MACROD2: variants seen among roughly 807,000 people sequenced by gnomAD.
MACROD2 encodes mono-ADP ribosylhydrolase 2.
A neutral mutation model predicts 70.4 loss-of-function variants in MACROD2; 36 were observed. The observed-to-expected ratio is 0.51, with a 90% confidence interval of 0.39 to 0.68. The LOEUF is 0.68. Among genes scored for constraint, MACROD2 ranks in the 30% least tolerant of loss-of-function variants. The pLI, the probability that MACROD2 is intolerant of heterozygous loss-of-function variation, is 0.00. For synonymous variants in MACROD2, 172 were observed against 178.8 expected (o/e 0.96, Z 0.30); for missense variants, 496 against 538.4 (o/e 0.92, Z 0.78).
intron 6 of MACROD2, among the ~76,000 whole-genome samples, chr20:15,367,640 T>C (rs1230430503): frequency 6.6e-6 from 1 of 152,152 alleles, no homozygotes; most frequent in Non-Finnish European, 1.5e-5. Flanking sequence ...TTTTTCTAAT[T>C]CTATCTTCTC....
intron 9 of MACROD2, among the ~76,000 whole-genome samples, chr20:15,878,006 TA>T (rs1226376725): frequency 2.0e-5 from 3 of 151,796 alleles, no homozygotes; most frequent in Non-Finnish European, 4.4e-5. Context: ...CTCATAAGGG[TA>T]ACATTCCCCT....
chr20:15,745,662 G>A (rs1361040143), intron 8 of MACROD2, among the ~76,000 whole-genome samples: 1 of 152,020 alleles, frequency 6.6e-6, no homozygotes, highest in African/African-American at 2.4e-5. Flanking sequence ...CCTATATAAG[G>A]AAATGGCAAT....
chr20:14,066,924 GCCTCAGCCTC>G (rs969385703), intron 2 of MACROD2, among the ~76,000 whole-genome samples: 83 of 145,632 alleles, frequency 5.7e-4, no homozygotes, highest in African/African-American at 2.0e-3. Context: ...CCATTCTCCT[GCCTCAGCCTC>G]CCGAGTAGCT....
intron 7 of MACROD2, among the ~76,000 whole-genome samples, chr20:15,481,257 G>T (rs961217071): frequency 4.6e-5 from 7 of 152,158 alleles, no homozygotes; most frequent in African/African-American, 1.7e-4. Context: ...GTACATACCT[G>T]CAGAGATAGG....
chr20:15,778,578 C>A (rs918479090), intron 8 of MACROD2, among the ~76,000 whole-genome samples: 4 of 151,890 alleles, frequency 2.6e-5, no homozygotes, highest in African/African-American at 9.7e-5. Context: ...ATATTTTAAT[C>A]CCTGGATGAA....
At chr20:15,247,196 T>C (rs373991272) in intron 6 of MACROD2, among the ~76,000 whole-genome samples, 19 of 152,208 alleles carry the variant, frequency 1.2e-4, no homozygotes, top group African/African-American at 4.1e-4. Context: ...GGTATTTGAA[T>C]TATATTACAA....
chr20:16,020,396 C>G (rs780638067), intron 15 of MACROD2, among the ~76,000 whole-genome samples: 2 of 151,998 alleles, frequency 1.3e-5, no homozygotes, highest in Non-Finnish European at 2.9e-5. Flanking sequence ...TGAAGCCACT[C>G]TCTACCTCCC....
chr20:14,390,241 C>T (rs1162303435), intron 3 of MACROD2, among the ~76,000 whole-genome samples: 1 of 152,036 alleles, frequency 6.6e-6, no homozygotes, highest in African/African-American at 2.4e-5. Flanking sequence ...TCAAAGAAAT[C>T]AGAGATGACA....
intron 5 of MACROD2, among the ~76,000 whole-genome samples, chr20:14,838,773 G>A (rs974292619): frequency 3.3e-5 from 5 of 152,062 alleles, no homozygotes; most frequent in African/African-American, 1.2e-4. Flanking sequence ...GAAACCAGAA[G>A]TGAGAAGGTT....
In MACROD2 at chr20:14,601,191, C is replaced by T. The variant is rs140135563; in HGVS notation, c.302-83652C>T. 7.4e-3 allele frequency among the ~76,000 whole-genome samples: 1,130 copies of T among 152,310 alleles called. 8 individuals carry two copies. Among genetic ancestry groups the T allele is most frequent in the African/African-American group, 0.025 (1,023 of 41,562 alleles). On this transcript the variant is annotated intron_variant, in intron 4 of 17. Transcript: ENST00000684519. The stretch of plus-strand genomic sequence containing the variant: ...CACAGTGTTGAGCAGTGGTCCCCAA[C>T]CTTCTGGCACCCGGGACCGGTTTTG...
chr20:15,308,040 G>A (rs973793224), intron 6 of MACROD2, among the ~76,000 whole-genome samples: 1 of 152,126 alleles, frequency 6.6e-6, no homozygotes, highest in African/African-American at 2.4e-5. Context: ...TATGACATCA[G>A]GAGGCAGGCA....
At chr20:15,492,685 A>G (rs2047246926) in intron 7 of MACROD2, among the ~76,000 whole-genome samples, 1 of 152,206 alleles carries the variant, frequency 6.6e-6, no homozygotes, top group Admixed American at 6.5e-5. Context: ...GGTTTCTATC[A>G]GTGCTGAAAG....
intron 3 of MACROD2, among the ~76,000 whole-genome samples, chr20:14,351,988 T>C (rs1376365133): frequency 6.6e-6 from 1 of 152,232 alleles, no homozygotes; most frequent in African/African-American, 2.4e-5. Context: ...AATGATCAGA[T>C]ACTTTTTGTC....
intron 5 of MACROD2, among the ~76,000 whole-genome samples, chr20:14,814,673 G>A (rs553390134): frequency 6.6e-5 from 10 of 152,014 alleles, no homozygotes; most frequent in African/African-American, 2.4e-4. Context: ...AAAAACTATA[G>A]GTACTTACCA....
At chr20:15,846,069 A>G (rs1156541766) in intron 8 of MACROD2, among the ~76,000 whole-genome samples, 1 of 152,236 alleles carries the variant, frequency 6.6e-6, no homozygotes, top group African/African-American at 2.4e-5. Flanking sequence ...AATTTTATAT[A>G]AACATTTAGG....
chr20:15,483,905 T>C (rs964392435), intron 7 of MACROD2, among the ~76,000 whole-genome samples: 2 of 152,094 alleles, frequency 1.3e-5, no homozygotes, highest in African/African-American at 2.4e-5. Flanking sequence ...TTTTGTATAT[T>C]AACCTTCTAT....
At chr20:14,940,603 A>T (rs1353214211) in intron 5 of MACROD2, among the ~76,000 whole-genome samples, 1 of 152,156 alleles carries the variant, frequency 6.6e-6, no homozygotes, top group Non-Finnish European at 1.5e-5. Flanking sequence ...GCATTTTATC[A>T]TAAAAGGATG....
chr20:14,453,693 G>A (rs2084268971), intron 3 of MACROD2, among the ~76,000 whole-genome samples: 1 of 151,898 alleles, frequency 6.6e-6, no homozygotes, highest in Non-Finnish European at 1.5e-5. Context: ...GGAAATCTTA[G>A]AACTTGATAA....
At chr20:15,808,474 A>G (rs1266518666) in intron 8 of MACROD2, among the ~76,000 whole-genome samples, 1 of 152,208 alleles carries the variant, frequency 6.6e-6, no homozygotes, top group East Asian at 1.9e-4. Flanking sequence ...TGAATTCTAC[A>G]TGCATACACA....
Sources: allele counts gnomAD v4.1 joint callset (sites outside exome capture counted in the v4.1 genomes callset), GRCh38; gene constraint gnomAD v4.1.1; transcripts MANE v1.5; gene names NCBI Gene and HGNC (gene_info 2026-07-23, HGNC 2026-07-21).